Variants in LIPH observed in about 807,000 individuals in gnomAD.
The protein encoded by LIPH is lipase member H.
A neutral mutation model predicts 47.6 loss-of-function variants in LIPH; 32 were observed. That is an observed-to-expected ratio of 0.67 (90% CI 0.51 to 0.90). The LOEUF (loss-of-function observed/expected upper bound fraction) is 0.90, where lower values mean the gene tolerates loss of function less well. Ranked by LOEUF, LIPH falls within the 40% of genes least tolerant of loss-of-function variation. LIPH has a pLI of 0.00. For synonymous variants in LIPH, 190 were observed against 195.6 expected (o/e 0.97, Z 0.24); for missense variants, 497 against 541.4 (o/e 0.92, Z 0.81).
chr3:185,539,464 G>A (rs913674976), intron 1 of LIPH, among the ~76,000 whole-genome samples: 10 of 151,122 alleles, frequency 6.6e-5, no homozygotes, highest in African/African-American at 1.9e-4. Context: ...CGGCCCCCCC[G>A]GGTTCAAGCG....
At chr3:185,536,726 A>G (rs1296598521) in intron 1 of LIPH, among the ~76,000 whole-genome samples, 4 of 152,140 alleles carry the variant, frequency 2.6e-5, no homozygotes, top group Non-Finnish European at 5.9e-5. Context: ...CTTAAAGGAA[A>G]TTTACACGTG....
At chr3:185,534,635 G>T in intron 2 of LIPH, 130 bp downstream of exon 2, 1 of 860,444 alleles carries the variant, frequency 1.2e-6, no homozygotes. Context: ...ACCTTCCCTG[G>T]GGCTTATTCA....
At chr3:185,546,041 C>T (rs1377320571) in intron 1 of LIPH, among the ~76,000 whole-genome samples, 4 of 152,046 alleles carry the variant, frequency 2.6e-5, no homozygotes, top group African/African-American at 9.7e-5. Flanking sequence ...TGGCACATGC[C>T]TGTAATCCCA....
At chr3:185,536,347 G>A (rs1006199309) in intron 1 of LIPH, among the ~76,000 whole-genome samples, 2 of 152,124 alleles carry the variant, frequency 1.3e-5, no homozygotes, top group African/African-American at 4.8e-5. Flanking sequence ...ATTCTTGGTG[G>A]ACAAGAGCAG....
rs759619504 is a variant in LIPH at position 185,517,171 on chromosome 3, C to T, written c.887-9G>A. ...ATTATCAGCATAATAGCCTATGAAACAAGTTTAAAAAATTGTAAGATTAAT... is the reference window on the plus strand; with the variant it reads ...ATTATCAGCATAATAGCCTATGAAATAAGTTTAAAAAATTGTAAGATTAAT... On this transcript the variant is annotated splice_polypyrimidine_tract_variant and intron_variant, in intron 6 of 9. Coordinates refer to ENST00000296252, the MANE Select transcript of LIPH (RefSeq NM_139248.3). 1 of 1,476,514 alleles carries T rather than the reference C, an allele frequency of 6.8e-7. No homozygotes were observed. The highest frequency in any genetic ancestry group is 9.5e-7 in the Non-Finnish European group (1 of 1,054,802). 91.5% of individuals were successfully genotyped at this position (1,476,514 alleles called of 1,614,324 possible). A position where few individuals can be genotyped will look rare whatever the true frequency, so the allele number is the denominator to read the frequency against.
chr3:185,539,490 C>A (rs1234175247), intron 1 of LIPH, among the ~76,000 whole-genome samples: 1 of 151,650 alleles, frequency 6.6e-6, no homozygotes, highest in African/African-American at 2.4e-5. Context: ...ACTGCCTCAG[C>A]CTCTTGAGTA....
chr3:185,508,996 C>CACTT (rs972258402), intron 9 of LIPH, 119 bp from the exon 10 acceptor site: 1 of 740,444 alleles, frequency 1.4e-6, no homozygotes, highest in Non-Finnish European at 2.4e-6. Context: ...ATATAGAAAA[C>CACTT]ACTTACGGTG....
At chr3:185,522,138 A>G (rs1395381951) in intron 5 of LIPH, among the ~76,000 whole-genome samples, 1 of 152,234 alleles carries the variant, frequency 6.6e-6, no homozygotes, top group Non-Finnish European at 1.5e-5. Flanking sequence ...GCCAGTGAAC[A>G]AGACCTACAG....
chr3:185,520,606 G>T (rs1245022298), intron 5 of LIPH, among the ~76,000 whole-genome samples: 1 of 151,944 alleles, frequency 6.6e-6, no homozygotes, highest in African/African-American at 2.4e-5. Flanking sequence ...CTTAGAGAAA[G>T]GTTGAAAAAT....
At chr3:185,550,990 C>T (rs1369638407) in intron 1 of LIPH, among the ~76,000 whole-genome samples, 1 of 152,130 alleles carries the variant, frequency 6.6e-6, no homozygotes, top group South Asian at 2.1e-4. Flanking sequence ...TCCTGGCCAA[C>T]GTGGTGAAAC....
At chr3:185,509,221 G>C (rs1719477553) in intron 9 of LIPH, among the ~76,000 whole-genome samples, 1 of 152,092 alleles carries the variant, frequency 6.6e-6, no homozygotes, top group Admixed American at 6.6e-5. Context: ...GGAGGTGGAG[G>C]TTGCAGTGAG....
intron 4 of LIPH, among the ~76,000 whole-genome samples, chr3:185,524,741 G>A (rs1386470497): frequency 1.3e-5 from 2 of 152,100 alleles, no homozygotes; most frequent in Non-Finnish European, 2.9e-5. Flanking sequence ...GAGCCATTGC[G>A]CCTGGCCCCA....
At chr3:185,539,934 G>A (rs1720648930) in intron 1 of LIPH, among the ~76,000 whole-genome samples, 1 of 152,158 alleles carries the variant, frequency 6.6e-6, no homozygotes, top group Non-Finnish European at 1.5e-5. Context: ...ACCAATCACT[G>A]AGCCAGACCA....
At chr3:185,546,270 C>T (rs1338049401) in intron 1 of LIPH, among the ~76,000 whole-genome samples, 5 of 151,040 alleles carry the variant, frequency 3.3e-5, no homozygotes, top group African/African-American at 1.2e-4. Context: ...GAGAATCGCT[C>T]GAACCCAGCA....
At chr3:185,547,235 A>C (rs944171727) in intron 1 of LIPH, among the ~76,000 whole-genome samples, 1 of 152,148 alleles carries the variant, frequency 6.6e-6, no homozygotes, top group African/African-American at 2.4e-5. Flanking sequence ...TACATTACAG[A>C]AGTGAAATTC....
intron 3 of LIPH, among the ~76,000 whole-genome samples, chr3:185,529,829 G>T (rs1040789667): frequency 1.3e-5 from 2 of 151,326 alleles, no homozygotes; most frequent in Non-Finnish European, 2.9e-5. Context: ...GTTCCAGGTT[G>T]CAGTGAGCCA....
chr3:185,527,290 C>T (rs1362113712), intron 4 of LIPH, among the ~76,000 whole-genome samples, 194 bp downstream of exon 4: 4 of 151,962 alleles, frequency 2.6e-5, no homozygotes, highest in African/African-American at 9.7e-5. Flanking sequence ...TAATCATCCA[C>T]GCTCTAGCAC....
At position 185,547,157 on chromosome 3, in the gene LIPH, G is replaced by A. The variant is rs115074148; in HGVS notation, c.49+5266C>T. ...CCGTCTCAAAAAAAAAAAAAAGAAGGTATCTCAGACCCATCTCAGACCTTG... is the reference window on the plus strand; with the variant it reads ...CCGTCTCAAAAAAAAAAAAAAGAAGATATCTCAGACCCATCTCAGACCTTG... On this transcript the variant is annotated intron_variant, in intron 1 of 9. Transcript: ENST00000296252. 3.2e-3 allele frequency among the ~76,000 whole-genome samples: 487 copies of A among 151,922 alleles called. 2 individuals carry two copies. The highest frequency in any genetic ancestry group is 0.011 in the African/African-American group (469 of 41,472).
chr3:185,516,446 A>G (rs1394745251), intron 7 of LIPH, among the ~76,000 whole-genome samples: 1 of 152,180 alleles, frequency 6.6e-6, no homozygotes, highest in East Asian at 1.9e-4. Context: ...AAAAATAAAT[A>G]AAATGAAATA....
Sources: gnomAD v4.1 joint callset for allele counts (sites outside exome capture counted in the v4.1 genomes callset) on GRCh38, gnomAD v4.1.1 for gene constraint, MANE v1.5 for transcripts, NCBI Gene and HGNC (gene_info 2026-07-23, HGNC 2026-07-21) for gene names.